ARHGEF10L: variants seen among roughly 807,000 people sequenced by gnomAD.
ARHGEF10L encodes the protein Rho guanine nucleotide exchange factor 10 like.
ARHGEF10L carries 69 observed loss-of-function variants against 141.2 expected under a neutral mutation model. The ratio of observed to expected loss-of-function variants is 0.49; its 90% confidence interval spans 0.40 to 0.60. The LOEUF is 0.60. Among genes scored for constraint, ARHGEF10L ranks in the 20% least tolerant of loss-of-function variants. ARHGEF10L has a pLI of 0.00. For synonymous variants in ARHGEF10L, 711 were observed against 718.5 expected (o/e 0.99, Z 0.17); for missense variants, 1,482 against 1,734.3 (o/e 0.85, Z 2.58).
chr1:17,662,280 C>A (rs141895342), intron 25 of ARHGEF10L, among the ~76,000 whole-genome samples: 1 of 152,158 alleles, frequency 6.6e-6, no homozygotes, highest in African/African-American at 2.4e-5. Context: ...GCGTAACAAC[C>A]GCTGTCAAGA....
chr1:17,671,115 C>T (rs1031444167), intron 26 of ARHGEF10L, among the ~76,000 whole-genome samples: 4 of 152,254 alleles, frequency 2.6e-5, no homozygotes, highest in Admixed American at 6.5e-5. Context: ...GTCCCAGGGC[C>T]GGGCACGGCG....
At chr1:17,616,863 G>A (rs1004311082) in intron 9 of ARHGEF10L, among the ~76,000 whole-genome samples, 13 of 152,292 alleles carry the variant, frequency 8.5e-5, no homozygotes, top group South Asian at 8.3e-4. Flanking sequence ...GCAGAGCCCC[G>A]GATGTGGGAA....
chr1:17,560,635 G>A (rs1464757158), intron 1 of ARHGEF10L, among the ~76,000 whole-genome samples: 2 of 152,158 alleles, frequency 1.3e-5, no homozygotes, highest in Admixed American at 6.5e-5. Context: ...GCGCAATCTC[G>A]GCTCACCACA....
At chr1:17,618,262 A>ACCCCC in intron 9 of ARHGEF10L, 3 of 684,242 alleles carry the variant, frequency 4.4e-6, no homozygotes, top group Non-Finnish European at 6.5e-6. Flanking sequence ...AGCCCTCCCC[A>ACCCCC]CCCCGCCCAC....
At chr1:17,567,312 A>T (rs111736682) in intron 1 of ARHGEF10L, among the ~76,000 whole-genome samples, 127 of 152,280 alleles carry the variant, frequency 8.3e-4, no homozygotes, top group African/African-American at 2.9e-3. Context: ...CATTGGGGAC[A>T]TGCTGGTGGA....
the ARHGEF10L span, among the ~76,000 whole-genome samples, chr1:17,515,348 C>T: frequency 6.7e-6 from 1 of 149,098 alleles, no homozygotes; most frequent in Non-Finnish European, 1.5e-5. Flanking sequence ...GGCTGGAGTG[C>T]AGTGGTGTGA....
intron 1 of ARHGEF10L, among the ~76,000 whole-genome samples, chr1:17,563,106 A>G (rs2077608560): frequency 6.6e-6 from 1 of 152,128 alleles, no homozygotes; most frequent in South Asian, 2.1e-4. Flanking sequence ...TCTTCTGCCA[A>G]AGGAAGAATT....
intron 26 of ARHGEF10L, among the ~76,000 whole-genome samples, chr1:17,670,103 C>T (rs2063225032): frequency 6.6e-6 from 1 of 152,198 alleles, no homozygotes; most frequent in Non-Finnish European, 1.5e-5. Flanking sequence ...GCGAGCCACG[C>T]CTAGGCCAGA....
the ARHGEF10L span, among the ~76,000 whole-genome samples, chr1:17,517,752 C>T: frequency 6.6e-5 from 10 of 151,442 alleles, no homozygotes; most frequent in East Asian, 2.0e-4. Flanking sequence ...CCTCCACCTC[C>T]GGGGTTCAAA....
intron 26 of ARHGEF10L, among the ~76,000 whole-genome samples, chr1:17,671,609 G>A (rs2063326935): frequency 6.6e-6 from 1 of 152,216 alleles, no homozygotes; most frequent in African/African-American, 2.4e-5. Context: ...AGTGGCGTCA[G>A]CATTTGGACC....
At chr1:17,612,764 A>T (rs1191691264) in intron 7 of ARHGEF10L, among the ~76,000 whole-genome samples, 1 of 152,056 alleles carries the variant, frequency 6.6e-6, no homozygotes, top group Non-Finnish European at 1.5e-5. Flanking sequence ...AAGACAGGAG[A>T]CCTGGATTTA....
intron 1 of ARHGEF10L, among the ~76,000 whole-genome samples, chr1:17,554,049 G>A (rs934966913): frequency 7.9e-5 from 12 of 152,286 alleles, no homozygotes; most frequent in South Asian, 2.1e-4. Flanking sequence ...CAGAGGATAC[G>A]TTTGCTAGGT....
chr1:17,567,388 A>T (rs889143824), intron 1 of ARHGEF10L, among the ~76,000 whole-genome samples: 12 of 151,772 alleles, frequency 7.9e-5, no homozygotes, highest in African/African-American at 2.7e-4. Context: ...TTTTTTTGAG[A>T]TGTAGTCTCA....
intron 27 of ARHGEF10L, among the ~76,000 whole-genome samples, chr1:17,688,827 C>T (rs913490333): frequency 2.6e-5 from 4 of 152,094 alleles, no homozygotes; most frequent in African/African-American, 9.7e-5. Context: ...TCCCTAACTC[C>T]CTCCCGAGGC....
chr1:17,695,172 T>C lies in ARHGEF10L; in HGVS notation c.3199T>C (p.Cys1067Arg), dbSNP rs2065404075. The change falls in exon 28 of 29, where the codon TGT (cysteine) becomes CGT (arginine). Residue 1067 changes from cysteine to arginine, a missense_variant. By Grantham distance (180) the Cys-to-Arg change is radical. Around this residue, in one of 3 missense-constraint regions of ARHGEF10L, gnomAD observed 858 missense variants for 966.3 expected, o/e 0.89. Coordinates refer to ENST00000361221, the MANE Select transcript of ARHGEF10L (RefSeq NM_018125.4). ...TFLLPGQKHL[C>R]VTSLLICQGL... The stretch of plus-strand genomic sequence containing the variant: ...TCTTTCTGCAGGCCAGAAGCACTTG[T>C]GTGTCACCAGCCTCCTGATCTGCCA... The C allele has an allele frequency of 6.2e-7, 1 of 1,612,786 alleles. No individual in the cohort carries two copies.
At chr1:17,518,642 A>G in the ARHGEF10L span, among the ~76,000 whole-genome samples, 1 of 151,442 alleles carries the variant, frequency 6.6e-6, no homozygotes. Flanking sequence ...AAATGCAAAA[A>G]TTAGCTGGGC....
intron 15 of ARHGEF10L, among the ~76,000 whole-genome samples, chr1:17,629,322 C>T (rs1292617230): frequency 1.3e-5 from 2 of 152,010 alleles, no homozygotes; most frequent in African/African-American, 2.4e-5. Flanking sequence ...CCACGGTGCC[C>T]GGCCCACACA....
chr1:17,582,208 C>G (rs963815976), intron 2 of ARHGEF10L, among the ~76,000 whole-genome samples: 4 of 152,108 alleles, frequency 2.6e-5, no homozygotes, highest in African/African-American at 9.7e-5. Context: ...GGATTTGGGT[C>G]CCAGCATGCC....
chr1:17,587,287 C>G (rs1390712879), intron 2 of ARHGEF10L, among the ~76,000 whole-genome samples, 173 bp from the exon 3 acceptor site: 1 of 152,216 alleles, frequency 6.6e-6, no homozygotes, highest in South Asian at 2.1e-4. Flanking sequence ...AACCCCCTCC[C>G]CCCGGCCTTA....
Sources: allele counts gnomAD v4.1 joint callset (sites outside exome capture counted in the v4.1 genomes callset), GRCh38; gene constraint gnomAD v4.1.1; regional missense constraint gnomAD v4.1.1; transcripts MANE v1.5; gene names NCBI Gene and HGNC (gene_info 2026-07-23, HGNC 2026-07-21).